The following FBXL22 variants were observed in gnomAD, a reference collection of about 807,000 sequenced individuals.
The protein encoded by FBXL22 is F-box and leucine rich repeat protein 22.
A neutral mutation model predicts 11.7 loss-of-function variants in FBXL22; 13 were observed. The ratio of observed to expected loss-of-function variants is 1.11; its 90% CI spans 0.73 to 1.77. The LOEUF is 1.77. FBXL22 is among the 40% of genes most tolerant of loss of function. The pLI is 0.00. For missense variants in FBXL22, 406 were observed against 320.4 expected (o/e 1.27, Z -2.04); for synonymous variants, 160 against 144.1 (o/e 1.11, Z -0.79).
At chr15:63,601,438 G>C, downstream of FBXL22, 6 of 1,579,232 alleles carry the variant, frequency 3.8e-6, no homozygotes, top group Non-Finnish European at 5.2e-6. Flanking sequence ...GGTGACGGGG[G>C]CCAGGGCTGC....
downstream of FBXL22, among the ~76,000 whole-genome samples, chr15:63,607,073 T>C (rs1167409024): frequency 2.9e-4 from 36 of 122,614 alleles, no homozygotes; most frequent in African/African-American, 7.3e-4. Context: ...TTTTTTTTTT[T>C]CTCACTCTGT....
downstream of FBXL22, chr15:63,601,448 CCG>C (rs2067370129): frequency 6.4e-7 from 1 of 1,573,802 alleles, no homozygotes; most frequent in Non-Finnish European, 8.6e-7. Context: ...GCCAGGGCTG[CCG>C]CGCGCAGGGG....
chr15:63,601,096 C>G lies in FBXL22; in HGVS notation c.*57C>G. On this transcript the variant is annotated 3_prime_UTR_variant, in exon 2 of 2. Coordinates refer to ENST00000638704, the MANE Select transcript of FBXL22 (RefSeq NM_001367807.1). ...GCGCAGCCCCAGACCGTCCTGGCTT[C>G]GAACCCAGCTCTTCCACCTTCAGAC... is the stretch of plus-strand genomic sequence containing the variant. 1 of 1,292,568 alleles carries G rather than the reference C, an allele frequency of 7.7e-7. No individual in the cohort carries two copies. Among genetic ancestry groups the G allele is most frequent in the Non-Finnish European group, 9.8e-7 (1 of 1,022,134 alleles). 80.1% of individuals were successfully genotyped at this position (1,292,568 alleles called of 1,614,324 possible).
chr15:63,607,211 A>G (rs543718133), downstream of FBXL22, among the ~76,000 whole-genome samples: 5 of 152,098 alleles, frequency 3.3e-5, no homozygotes, highest in South Asian at 2.1e-4. Flanking sequence ...ATGCCCAGCT[A>G]ATTTTTTTTA....
chr15:63,601,459 G>T (rs779059707), downstream of FBXL22: 7 of 1,573,336 alleles, frequency 4.4e-6, no homozygotes, highest in Admixed American at 3.6e-5. Context: ...CGCGCGCAGG[G>T]GTCTGGGGAG....
downstream of FBXL22, chr15:63,601,795 G>A (rs2067377456): frequency 2.2e-6 from 3 of 1,359,888 alleles, no homozygotes; most frequent in Non-Finnish European, 2.9e-6. Flanking sequence ...AAATGATTTG[G>A]AAGAAAAAAA....
downstream of FBXL22, chr15:63,602,081 C>A (rs573639951): frequency 1.1e-4 from 21 of 185,024 alleles, no homozygotes; most frequent in South Asian, 8.1e-4. Flanking sequence ...GCTGTTCACA[C>A]TCCGGCTCCA....
chr15:63,601,982 A>C (rs776044578), downstream of FBXL22: 9 of 372,024 alleles, frequency 2.4e-5, no homozygotes, highest in Admixed American at 9.1e-5. Flanking sequence ...CATTTAGTGA[A>C]GGCTCTCGGC....
chr15:63,608,509 G>C, the FBXL22 span: 1 of 152,614 alleles, frequency 6.6e-6, no homozygotes, highest in Admixed American at 6.5e-5. Flanking sequence ...GGGTCAAAAA[G>C]CCATCAGAGC....
In FBXL22 at chr15:63,600,773, T is replaced by C. The variant is rs1301640579; in HGVS notation, c.430T>C (p.Cys144Arg). The change falls in exon 2 of 2, where the codon TGC becomes CGC. Residue 144 changes from cysteine (C) to arginine (R), a missense_variant. Coordinates refer to ENST00000638704, the MANE Select transcript of FBXL22 (RefSeq NM_001367807.1). Reference sequence around the variant, plus strand: ...CGACTGCCTGGCGCGCCTGCTGCGCTGCTGCCCACGCCTGCGCGCACTGCG... The same window carrying C: ...CGACTGCCTGGCGCGCCTGCTGCGCCGCTGCCCACGCCTGCGCGCACTGCG... ...TDDCLARLLR[C>R]CPRLRALRLE... 1.5e-5 allele frequency: 18 copies of C among 1,231,224 alleles called. No individual in the cohort carries two copies. The highest frequency in any genetic ancestry group is 1.6e-5 in the Non-Finnish European group (16 of 987,692). The allele number at this position is 1,231,224 out of a possible 1,614,324, so 76.3% of individuals were successfully genotyped here.
chr15:63,607,197 C>A (rs2152689712), downstream of FBXL22, among the ~76,000 whole-genome samples: 1 of 152,272 alleles, frequency 6.6e-6, no homozygotes, highest in South Asian at 2.1e-4. Flanking sequence ...AGGTGCCCAC[C>A]ACCATGCCCA....
downstream of FBXL22, chr15:63,601,379 C>A (rs2067368752): frequency 6.2e-7 from 1 of 1,604,920 alleles, no homozygotes; most frequent in Non-Finnish European, 8.5e-7. Flanking sequence ...CCGAAATCAC[C>A]TCGGTGGGGA....
intron 1 of FBXL22, chr15:63,599,856 G>A (rs1323735625): frequency 2.0e-6 from 2 of 985,566 alleles, no homozygotes; most frequent in African/African-American, 1.7e-5. Flanking sequence ...GCCTGTGGAA[G>A]GCCCCGTTGC....
chr15:63,607,292 G>C (rs897527238), downstream of FBXL22, among the ~76,000 whole-genome samples: 1 of 152,120 alleles, frequency 6.6e-6, no homozygotes, highest in East Asian at 1.9e-4. Context: ...TGATCCACCC[G>C]CCTCGGCCTC....
At chr15:63,605,142 T>C (rs1480938717), downstream of FBXL22, among the ~76,000 whole-genome samples, 1 of 152,208 alleles carries the variant, frequency 6.6e-6, no homozygotes, top group Non-Finnish European at 1.5e-5. Flanking sequence ...CAGACTTAAT[T>C]AATCCACCAA....
At chr15:63,606,565 CAA>C (rs955660604), downstream of FBXL22, among the ~76,000 whole-genome samples, 2 of 152,094 alleles carry the variant, frequency 1.3e-5, no homozygotes, top group Admixed American at 1.3e-4. Flanking sequence ...TTCAAAAAGT[CAA>C]GAGAGGCCGG....
At chr15:63,598,569 G>A (rs1324496801) in intron 1 of FBXL22, among the ~76,000 whole-genome samples, 1 of 152,138 alleles carries the variant, frequency 6.6e-6, no homozygotes, top group Non-Finnish European at 1.5e-5. Context: ...GCCTCTCACT[G>A]AGCTTCTGCC....
At chr15:63,603,079 A>C (rs1308545473), downstream of FBXL22, among the ~76,000 whole-genome samples, 1 of 152,118 alleles carries the variant, frequency 6.6e-6, no homozygotes, top group Non-Finnish European at 1.5e-5. Context: ...GCTACTATTT[A>C]ATTGTGTGAT....
rs185344665 is a variant in FBXL22 at position 63,600,670 on chromosome 15, C to T, written c.354-27C>T. ...TGGGTAGCTTTAACAAGCCAGTGAG[C>T]CCCGGGTCACCGCACTCTCCTCACA... On this transcript the variant is annotated intron_variant, in intron 1 of 1. Transcript: ENST00000638704. 2.4e-5 allele frequency: 30 copies of T among 1,231,308 alleles called. No homozygotes were observed. The African/African-American group carries it at 4.5e-4, about 18-fold the overall frequency. 76.3% of individuals were successfully genotyped at this position (1,231,308 alleles called of 1,614,324 possible).
Sources: gnomAD v4.1 joint callset for allele counts (sites outside exome capture counted in the v4.1 genomes callset) on GRCh38, gnomAD v4.1.1 for gene constraint, MANE v1.5 for transcripts, NCBI Gene and HGNC (gene_info 2026-07-23, HGNC 2026-07-21) for gene names.